The following PRKCI variants were observed in gnomAD, a reference collection of about 807,000 sequenced individuals.
PRKCI encodes protein kinase C iota.
In PRKCI, 43 loss-of-function variants were observed where a neutral mutation model predicts 84.0. The ratio of observed to expected loss-of-function variants is 0.51; its 90% CI spans 0.40 to 0.66. The LOEUF (loss-of-function observed/expected upper bound fraction) is 0.66, where lower values mean the gene tolerates loss of function less well. Among genes scored for constraint, PRKCI ranks in the 30% least tolerant of loss-of-function variants. The probability of loss-of-function intolerance (pLI) is 0.00; values close to 1 mark genes in which losing one functional copy is unlikely to be tolerated. For synonymous variants in PRKCI, 216 were observed against 234.4 expected, an observed-to-expected ratio of 0.92 and a Z score of 0.72; for missense variants, 459 against 745.6, an observed-to-expected ratio of 0.62 and a Z score of 4.48.
chr3:170,280,972 A>G (rs1734229349), intron 9 of PRKCI, among the ~76,000 whole-genome samples, 194 bp from the exon 10 acceptor site: 2 of 152,182 alleles, frequency 1.3e-5, no homozygotes, highest in South Asian at 4.1e-4. Flanking sequence ...AGTTTTCTAG[A>G]CAGTTTTATA....
chr3:170,296,032 C>CTA (rs778592200), intron 15 of PRKCI, 42 bp downstream of exon 15: 1 of 1,179,588 alleles, frequency 8.5e-7, no homozygotes, highest in Non-Finnish European at 1.2e-6. Context: ...TTGTCTCTTT[C>CTA]TATATATATC....
chr3:170,230,838 TC>T (rs780167565), intron 1 of PRKCI, among the ~76,000 whole-genome samples: 27 of 152,174 alleles, frequency 1.8e-4, no homozygotes, highest in Non-Finnish European at 3.7e-4. Flanking sequence ...TTCTATTGTT[TC>T]ATTGATTTTA....
rs1732515811 is a variant in PRKCI, at chr3:170,222,615, C to T, written c.-55C>T. On this transcript the variant is annotated 5_prime_UTR_variant, in exon 1 of 18. Coordinates refer to ENST00000295797, the MANE Select transcript of PRKCI (RefSeq NM_002740.6). Reference sequence around the variant, plus strand: ...CAGGCGGCGGAGTCCCCCACGGCGCCCGAAGCGCCCCCCCGCACCCCCGGC... The same window carrying T: ...CAGGCGGCGGAGTCCCCCACGGCGCTCGAAGCGCCCCCCCGCACCCCCGGC... 3 of 1,465,846 alleles carry T rather than the reference C, an allele frequency of 2.0e-6. No homozygotes were observed. Among genetic ancestry groups the T allele is most frequent in the African/African-American group, 1.5e-5 (1 of 68,432 alleles). The allele number at this position is 1,465,846 out of a possible 1,614,324, so 90.8% of individuals were successfully genotyped here. A position where few individuals can be genotyped will look rare whatever the true frequency, so the allele number is the denominator to read the frequency against.
At chr3:170,288,978 G>A (rs1734469309) in intron 12 of PRKCI, among the ~76,000 whole-genome samples, 1 of 152,116 alleles carries the variant, frequency 6.6e-6, no homozygotes, top group Admixed American at 6.5e-5. Flanking sequence ...TATGAACGTT[G>A]ATTTTATTAA....
At chr3:170,250,264 C>G (rs886082411) in intron 2 of PRKCI, among the ~76,000 whole-genome samples, 1 of 131,440 alleles carries the variant, frequency 7.6e-6, no homozygotes, top group Admixed American at 8.1e-5. Flanking sequence ...CAGAGTGAGA[C>G]TTGGTCTGAA....
In PRKCI at chr3:170,303,425, T is replaced by C. The variant is rs1734872817; in HGVS notation, c.*298T>C. On this transcript the variant is annotated 3_prime_UTR_variant, in exon 18 of 18. Transcript: ENST00000295797. Reference sequence around the variant, plus strand: ...TTTTGTTTAAAAAAAAAAAAAACACTGCATTAAAAAAGTATCTGTTGCATT... The same window carrying C: ...TTTTGTTTAAAAAAAAAAAAAACACCGCATTAAAAAAGTATCTGTTGCATT... 1 of 257,372 alleles carries C rather than the reference T, an allele frequency of 3.9e-6. No homozygotes were observed. Among genetic ancestry groups the C allele is most frequent in the Admixed American group, 5.4e-5 (1 of 18,388 alleles). The allele number at this position is 257,372 out of a possible 1,614,324, so 15.9% of individuals were successfully genotyped here.
At chr3:170,249,235 T>C (rs999883419) in intron 2 of PRKCI, among the ~76,000 whole-genome samples, 1 of 152,182 alleles carries the variant, frequency 6.6e-6, no homozygotes, top group Non-Finnish European at 1.5e-5. Flanking sequence ...CAGTTTGCTA[T>C]GTATTTGATT....
At chr3:170,256,495 T>G (rs979152676) in intron 2 of PRKCI, among the ~76,000 whole-genome samples, 8 of 152,204 alleles carry the variant, frequency 5.3e-5, no homozygotes, top group Non-Finnish European at 5.9e-5. Context: ...TCCTTTGAGT[T>G]TCTGCAGTAT....
chr3:170,273,555 C>T (rs574852272), intron 7 of PRKCI, among the ~76,000 whole-genome samples: 1 of 152,096 alleles, frequency 6.6e-6, no homozygotes, highest in African/African-American at 2.4e-5. Flanking sequence ...TGGTTCACAC[C>T]TGTAATCCCA....
chr3:170,291,323 C>G (rs182509235), intron 12 of PRKCI, among the ~76,000 whole-genome samples: 1 of 152,076 alleles, frequency 6.6e-6, no homozygotes, highest in Non-Finnish European at 1.5e-5. Context: ...TCAAGTCGTA[C>G]CTTAATTGAA....
Position 170,299,093 on chromosome 3 carries a change from G to T in PRKCI, c.1686G>T (p.Gln562His). The change falls in exon 17 of 18, where the codon CAG becomes CAT. Residue 562 changes from glutamine (Q) to histidine (H), a missense_variant. This residue lies in a region of PRKCI where 209 missense variants were observed against 425.9 expected (regional missense o/e 0.49). Coordinates refer to ENST00000295797, the MANE Select transcript of PRKCI (RefSeq NM_002740.6). ...FDSQFTNEPV[Q>H]LTPDDDDIVR... ...CTCAGTTTACTAATGAACCTGTCCA[G>T]CTCACTCCAGATGACGAGTAAGTAA... The T allele has an allele frequency of 8.1e-6, 13 of 1,596,340 alleles. No homozygotes were observed. The highest frequency in any genetic ancestry group is 1.1e-5 in the Non-Finnish European group (13 of 1,173,606).
chr3:170,250,415 G>A (rs1733411550), intron 2 of PRKCI, among the ~76,000 whole-genome samples: 1 of 141,936 alleles, frequency 7.0e-6, no homozygotes, highest in African/African-American at 2.6e-5. Context: ...ATCAATTATA[G>A]AACATTTTCA....
chr3:170,302,604 C>G (rs1292927499), intron 17 of PRKCI, among the ~76,000 whole-genome samples: 2 of 152,210 alleles, frequency 1.3e-5, no homozygotes, highest in African/African-American at 4.8e-5. Flanking sequence ...TTCCAGGTCT[C>G]TCAGTGTACT....
Position 170,304,057 on chromosome 3 carries a change from A to G in PRKCI, c.*930A>G, listed in dbSNP as rs1734893796. Reference sequence around the variant, plus strand: ...TTTATTATGAATCAGATTCCAAATCATTAACTATTTTTGCAAAACTGGCAC... The same window carrying G: ...TTTATTATGAATCAGATTCCAAATCGTTAACTATTTTTGCAAAACTGGCAC... On this transcript the variant is annotated 3_prime_UTR_variant, in exon 18 of 18. Coordinates refer to ENST00000295797, the MANE Select transcript of PRKCI (RefSeq NM_002740.6). 1 of 152,798 alleles carries G rather than the reference A, an allele frequency of 6.5e-6. No homozygotes were observed. The highest frequency in any genetic ancestry group is 1.5e-5 in the Non-Finnish European group (1 of 68,430). The allele number at this position is 152,798 out of a possible 1,614,324, so 9.5% of individuals were successfully genotyped here.
chr3:170,257,458 CTA>C (rs1176799986), intron 2 of PRKCI, among the ~76,000 whole-genome samples: 3 of 151,822 alleles, frequency 2.0e-5, no homozygotes, highest in East Asian at 1.9e-4. Flanking sequence ...GATATGATCA[CTA>C]TGTGAAAAAA....
chr3:170,304,431 A>G lies in PRKCI; in HGVS notation c.*1304A>G, dbSNP rs1021907686. The G allele has an allele frequency of 1.3e-4, 20 of 152,208 alleles. No homozygotes were observed. The highest frequency in any genetic ancestry group is 4.8e-4 in the African/African-American group (20 of 41,456). 9.4% of individuals were successfully genotyped at this position (152,208 alleles called of 1,614,324 possible). A position where few individuals can be genotyped will look rare whatever the true frequency, so the allele number is the denominator to read the frequency against. ...TTTCCTTATAATTTAGCATACAGGA[A>G]AAGTATTTATTTTTTAAGTAGGGTA... On this transcript the variant is annotated 3_prime_UTR_variant, in exon 18 of 18. Coordinates refer to ENST00000295797, the MANE Select transcript of PRKCI (RefSeq NM_002740.6).
chr3:170,259,320 G>A (rs890797763), intron 2 of PRKCI, among the ~76,000 whole-genome samples: 21 of 151,328 alleles, frequency 1.4e-4, no homozygotes, highest in African/African-American at 4.4e-4. Flanking sequence ...GTAGTGAGCC[G>A]TGATCATGTC....
chr3:170,291,008 C>A (rs1037912010), intron 12 of PRKCI, among the ~76,000 whole-genome samples: 1 of 152,008 alleles, frequency 6.6e-6, no homozygotes, highest in African/African-American at 2.4e-5. Flanking sequence ...TGGTGGCACA[C>A]GCCTATAATC....
chr3:170,290,023 A>G (rs557132346), intron 12 of PRKCI, among the ~76,000 whole-genome samples: 1 of 152,046 alleles, frequency 6.6e-6, no homozygotes, highest in Non-Finnish European at 1.5e-5. Flanking sequence ...CAATGAGCCA[A>G]GATCACGCCA....
Sources: allele counts gnomAD v4.1 joint callset (sites outside exome capture counted in the v4.1 genomes callset), GRCh38; gene constraint gnomAD v4.1.1; regional missense constraint gnomAD v4.1.1; transcripts MANE v1.5; gene names NCBI Gene and HGNC (gene_info 2026-07-23, HGNC 2026-07-21).